Variants in ERGIC1 observed in about 807,000 individuals in gnomAD.
The protein encoded by ERGIC1 is endoplasmic reticulum-golgi intermediate compartment 1, also known as endoplasmic reticulum-Golgi intermediate compartment protein 1.
In ERGIC1, 19 loss-of-function variants were observed where a neutral mutation model predicts 38.3. The observed-to-expected ratio is 0.50, with a 90% CI of 0.35 to 0.73. The LOEUF is 0.73. Among genes scored for constraint, ERGIC1 ranks in the 30% least tolerant of loss-of-function variants. The pLI is 0.01. For missense variants in ERGIC1, 294 were observed against 389.2 expected, an observed-to-expected ratio of 0.76 and a Z score of 2.06; for synonymous variants, 124 against 157.6, an observed-to-expected ratio of 0.79 and a Z score of 1.60.
chr5:172,862,423 G>A (rs1256889748), intron 1 of ERGIC1, among the ~76,000 whole-genome samples: 1 of 151,650 alleles, frequency 6.6e-6, no homozygotes, highest in Non-Finnish European at 1.5e-5. Context: ...ACACAAATGG[G>A]CATGTGTTTA....
At chr5:172,915,958 T>G (rs1230935784) in intron 5 of ERGIC1, 1 of 213,108 alleles carries the variant, frequency 4.7e-6, no homozygotes, top group Middle Eastern at 1.8e-3. Context: ...AGAACCAGTA[T>G]GAAAAGACCA....
rs572372421 is a variant in ERGIC1, at chr5:172,931,774, C to T, written c.542-662C>T. 2.6e-5 allele frequency among the ~76,000 whole-genome samples: 4 copies of T among 152,210 alleles called. No individual in the cohort carries two copies. In the East Asian group the frequency reaches 7.7e-4, roughly 29 times the overall value. Reference sequence around the variant, plus strand: ...CATGGATACAGAGTGTCTCCTCCTCCCCCAATCCATGGACACATGTGTATC... The same window carrying T: ...CATGGATACAGAGTGTCTCCTCCTCTCCCAATCCATGGACACATGTGTATC... On this transcript the variant is annotated intron_variant, in intron 7 of 9. Coordinates refer to ENST00000393784, the MANE Select transcript of ERGIC1 (RefSeq NM_001031711.3).
In ERGIC1 at chr5:172,950,811, C is replaced by T. The variant is rs1346846836; in HGVS notation, c.868C>T (p.His290Tyr). The T allele has an allele frequency of 1.9e-6, 3 of 1,608,290 alleles. No individual in the cohort carries two copies. Among genetic ancestry groups the T allele is most frequent in the Non-Finnish European group, 2.6e-6 (3 of 1,175,848 alleles). Residue 290 changes from histidine to tyrosine, a missense_variant, in exon 10 of 10, where the codon CAT becomes TAT. His to Tyr is a moderately conservative substitution (Grantham distance 83). Around this residue, in one of 3 missense-constraint regions of ERGIC1, gnomAD observed 22 missense variants for 50.7 expected, o/e 0.43. Coordinates refer to ENST00000393784, the MANE Select transcript of ERGIC1 (RefSeq NM_001031711.3). ...GAAGAAGATCCAGCTGGGCAAGATGCATTGACGCCACACCCAGCCTAATGG... is the reference window on the plus strand; with the variant it reads ...GAAGAAGATCCAGCTGGGCAAGATGTATTGACGCCACACCCAGCCTAATGG... ...AWKKIQLGKM[H>Y] is the part of the protein sequence containing the mutation.
intron 5 of ERGIC1, among the ~76,000 whole-genome samples, chr5:172,918,954 G>A (rs1456196871): frequency 2.1e-5 from 3 of 145,822 alleles, no homozygotes; most frequent in African/African-American, 7.4e-5. Flanking sequence ...CCCTCATCAC[G>A]CTGCGGCTGC....
chr5:172,908,552 G>A (rs1763114139), intron 3 of ERGIC1, among the ~76,000 whole-genome samples: 1 of 151,556 alleles, frequency 6.6e-6, no homozygotes, highest in African/African-American at 2.4e-5. Context: ...CTCCAGCCTG[G>A]GTAACAGAGT....
chr5:172,917,955 G>A (rs551309357), intron 5 of ERGIC1: 3 of 152,314 alleles, frequency 2.0e-5, no homozygotes, highest in East Asian at 3.9e-4. Flanking sequence ...GATCACTTGA[G>A]GAGTTCAAGA....
At chr5:172,924,264 C>T (rs144585333) in intron 6 of ERGIC1, among the ~76,000 whole-genome samples, 155 bp downstream of exon 6, 1 of 152,344 alleles carries the variant, frequency 6.6e-6, no homozygotes, top group East Asian at 1.9e-4. Flanking sequence ...TCACCAGGAA[C>T]AGAACAGGGA....
intron 3 of ERGIC1, 93 bp from the exon 4 acceptor site, chr5:172,909,574 T>G: frequency 1.7e-6 from 2 of 1,162,848 alleles, no homozygotes; most frequent in East Asian, 4.7e-5. Flanking sequence ...ATCTAAGTTG[T>G]GGTCACCAAG....
chr5:172,923,656 CT>C (rs1271152529), intron 5 of ERGIC1, among the ~76,000 whole-genome samples: 1 of 152,192 alleles, frequency 6.6e-6, no homozygotes, highest in African/African-American at 2.4e-5. Context: ...CATCCCCCAG[CT>C]GACTGTGGGG....
At chr5:172,891,518 A>G (rs372029817) in intron 2 of ERGIC1, among the ~76,000 whole-genome samples, 3 of 148,498 alleles carry the variant, frequency 2.0e-5, no homozygotes, top group East Asian at 3.9e-4. Context: ...GGTTCACTGC[A>G]ACTTCTGCCT....
At chr5:172,947,377 T>A (rs902244975) in intron 9 of ERGIC1, among the ~76,000 whole-genome samples, 1 of 152,152 alleles carries the variant, frequency 6.6e-6, no homozygotes, top group Non-Finnish European at 1.5e-5. Flanking sequence ...GGGATCTCAC[T>A]GTTTTGCCCA....
intron 1 of ERGIC1, among the ~76,000 whole-genome samples, chr5:172,886,048 C>G (rs1412702362): frequency 1.3e-5 from 2 of 152,006 alleles, no homozygotes; most frequent in African/African-American, 4.8e-5. Flanking sequence ...GGTTTGTTTT[C>G]TCTCCATTCC....
rs1288912579 is a variant in ERGIC1 at position 172,834,580 on chromosome 5, G to GGCC, written c.20+147_20+148insGCC. ...GCAGGCCCCTAGGGACCCCAGGCGAGCCCCCCCCCTGCCGCACACGAAGCC... is the reference window on the plus strand; with the variant it reads ...GCAGGCCCCTAGGGACCCCAGGCGAGGCCCCCCCCCCCTGCCGCACACGAAGCC... On this transcript the variant is annotated intron_variant, in intron 1 of 9. Transcript: ENST00000393784. This position sits in a 1 kb window ranked among gnomAD's most constrained non-coding sequence, Gnocchi z 4.1. The GGCC allele has an allele frequency of 2.1e-5, 11 of 534,980 alleles. No homozygotes were observed. Among genetic ancestry groups the GGCC allele is most frequent in the Non-Finnish European group, 2.9e-5 (11 of 384,566 alleles). The allele number at this position is 534,980 out of a possible 1,614,324, so 33.1% of individuals were successfully genotyped here.
At chr5:172,841,766 G>A (rs1177759574) in intron 1 of ERGIC1, among the ~76,000 whole-genome samples, 1 of 152,170 alleles carries the variant, frequency 6.6e-6, no homozygotes, top group African/African-American at 2.4e-5. Flanking sequence ...CTTGAGCACT[G>A]GGCTAGGCAT....
rs2618349 is a variant in ERGIC1 at position 172,857,336 on chromosome 5, C to A, written c.20+22903C>A. On this transcript the variant is annotated intron_variant, in intron 1 of 9. Coordinates refer to ENST00000393784, the MANE Select transcript of ERGIC1 (RefSeq NM_001031711.3). ...AATGGTTCGATTCATTGCCATGCAC[C>A]ATCCTTCCTCAGTAGAGGAGTACAC... 5.8e-3 allele frequency among the ~76,000 whole-genome samples: 889 copies of A among 152,246 alleles called. 9 individuals are homozygous for A. The highest frequency in any genetic ancestry group is 0.02 in the African/African-American group (837 of 41,550).
At position 172,886,277 on chromosome 5, in the gene ERGIC1, C is replaced by T. The variant is rs146838276; in HGVS notation, c.21-2422C>T. ...AGGACAGCGCCCAGCTTCCCAGATT[C>T]GGTCCTACTCTGTCTTTGCTTCTGC... On this transcript the variant is annotated intron_variant, in intron 1 of 9. Transcript: ENST00000393784. 3.6e-4 allele frequency among the ~76,000 whole-genome samples: 55 copies of T among 152,006 alleles called. 2 individuals carry two copies. The East Asian group carries it at 6.8e-3, about 19-fold the overall frequency.
intron 3 of ERGIC1, chr5:172,898,051 G>T: frequency 5.0e-6 from 2 of 401,076 alleles, no homozygotes; most frequent in Non-Finnish European, 8.9e-6. Context: ...TTTGGCACTG[G>T]CTTGAGGCTT....
At chr5:172,932,630 T>C (rs1481040594) in intron 8 of ERGIC1, 94 bp downstream of exon 8, 3 of 1,280,154 alleles carry the variant, frequency 2.3e-6, no homozygotes, top group African/African-American at 2.9e-5. Context: ...CGCACTTTCT[T>C]CTGATTCCTT....
intron 1 of ERGIC1, among the ~76,000 whole-genome samples, chr5:172,876,910 C>A (rs1286594407): frequency 1.3e-5 from 2 of 152,104 alleles, no homozygotes; most frequent in Non-Finnish European, 2.9e-5. Context: ...CCATTGCACT[C>A]CAGCCTGGGC....
Sources: allele counts gnomAD v4.1 joint callset (sites outside exome capture counted in the v4.1 genomes callset), GRCh38; gene constraint gnomAD v4.1.1; regional missense constraint gnomAD v4.1.1; non-coding constraint Gnocchi (gnomAD v3.1); transcripts MANE v1.5; gene names NCBI Gene and HGNC (gene_info 2026-07-23, HGNC 2026-07-21).